Variants in SLC35D4 observed in about 807,000 individuals in gnomAD.
SLC35D4 encodes the protein solute carrier family 35 member D4, also known as UDP-N-acetylglucosamine transporter SLC35D4.
chr18:23,249,488 A>G, the SLC35D4 span, among the ~76,000 whole-genome samples: 1 of 152,222 alleles, frequency 6.6e-6, no homozygotes, highest in Non-Finnish European at 1.5e-5. Flanking sequence ...GTCATGGTGC[A>G]GGTGCGAGGC....
the SLC35D4 span, among the ~76,000 whole-genome samples, chr18:23,304,340 T>C: frequency 1.4e-5 from 2 of 146,798 alleles, no homozygotes; most frequent in East Asian, 2.0e-4. Context: ...ATACAGAAAT[T>C]TGGGGAAAAG....
chr18:23,437,370 G>GAGTGAA, the SLC35D4 span, among the ~76,000 whole-genome samples: 1 of 152,158 alleles, frequency 6.6e-6, no homozygotes, highest in Admixed American at 6.5e-5. Flanking sequence ...TCTATTTAAA[G>GAGTGAA]GCTTCTGGAA....
the SLC35D4 span, among the ~76,000 whole-genome samples, chr18:23,239,595 C>T: frequency 6.6e-6 from 1 of 152,024 alleles, no homozygotes; most frequent in Non-Finnish European, 1.5e-5. Context: ...GGGGTGGGGG[C>T]GCTGGGGTGT....
At chr18:23,312,996 G>A in the SLC35D4 span, among the ~76,000 whole-genome samples, 3 of 151,580 alleles carry the variant, frequency 2.0e-5, no homozygotes, top group Non-Finnish European at 2.9e-5. Context: ...GCGTGATGGC[G>A]GGCGCCTGCA....
the SLC35D4 span, among the ~76,000 whole-genome samples, chr18:23,335,025 C>A: frequency 4.9e-3 from 744 of 151,568 alleles, 8 homozygotes; most frequent in African/African-American, 0.016. Flanking sequence ...AGAAAGCAAG[C>A]AAGCAAGAAG....
At chr18:23,396,931 T>A in the SLC35D4 span, among the ~76,000 whole-genome samples, 1 of 150,746 alleles carries the variant, frequency 6.6e-6, no homozygotes, top group Non-Finnish European at 1.5e-5. Flanking sequence ...CATGGACAGG[T>A]AACAAAGAAT....
the SLC35D4 span, among the ~76,000 whole-genome samples, chr18:23,242,110 T>C: frequency 6.6e-6 from 1 of 152,108 alleles, no homozygotes; most frequent in Non-Finnish European, 1.5e-5. Flanking sequence ...ACACCATCTT[T>C]ACTAAAAATA....
At chr18:23,324,817 G>A in the SLC35D4 span, among the ~76,000 whole-genome samples, 3 of 152,208 alleles carry the variant, frequency 2.0e-5, no homozygotes, top group African/African-American at 4.8e-5. Context: ...AGTGTAAACT[G>A]TAATGCCAAG....
chr18:23,318,112 C>G, the SLC35D4 span, among the ~76,000 whole-genome samples: 10 of 152,248 alleles, frequency 6.6e-5, no homozygotes, highest in East Asian at 1.9e-3. Context: ...GGTTATCTTT[C>G]TTTTTAATTC....
At chr18:23,253,915 C>A in the SLC35D4 span, 1 of 1,614,122 alleles carries the variant, frequency 6.2e-7, no homozygotes, top group Non-Finnish European at 8.5e-7. Flanking sequence ...TCAAAAAACA[C>A]GAAGTCAAGC....
At chr18:23,297,999 C>G in the SLC35D4 span, 7 of 1,613,052 alleles carry the variant, frequency 4.3e-6, no homozygotes, top group East Asian at 2.2e-5. Flanking sequence ...TTCTCTTGAC[C>G]GTCTTGTTCA....
At chr18:23,279,357 T>TG in the SLC35D4 span, among the ~76,000 whole-genome samples, 1 of 152,210 alleles carries the variant, frequency 6.6e-6, no homozygotes, top group Non-Finnish European at 1.5e-5. Context: ...ATAAACAGCA[T>TG]GGGCTGCAAG....
chr18:23,303,106 CT>C, the SLC35D4 span, among the ~76,000 whole-genome samples: 3,740 of 152,340 alleles, frequency 0.025, 49 homozygotes, highest in Middle Eastern at 0.054. Context: ...GCCACCGCCC[CT>C]GCCTGGGCTC....
the SLC35D4 span, among the ~76,000 whole-genome samples, chr18:23,294,576 A>T: frequency 4.6e-5 from 7 of 152,286 alleles, no homozygotes; most frequent in Middle Eastern, 3.4e-3. Context: ...AGGGGGCAAC[A>T]TAGTGAGACC....
At chr18:23,432,238 C>T in the SLC35D4 span, among the ~76,000 whole-genome samples, 14 of 152,262 alleles carry the variant, frequency 9.2e-5, no homozygotes, top group African/African-American at 2.9e-4. Context: ...GGCCTACATA[C>T]TGGAGGAAAT....
chr18:23,288,640 T>A, the SLC35D4 span, among the ~76,000 whole-genome samples: 4 of 152,152 alleles, frequency 2.6e-5, no homozygotes. Context: ...GGTAGACACT[T>A]CCACTGGATA....
At chr18:23,338,141 TG>T in the SLC35D4 span, among the ~76,000 whole-genome samples, 1 of 152,234 alleles carries the variant, frequency 6.6e-6, no homozygotes, top group Non-Finnish European at 1.5e-5. Context: ...TATTTTCACA[TG>T]CAGAGCAAAT....
At chr18:23,277,957 T>C in the SLC35D4 span, among the ~76,000 whole-genome samples, 2 of 152,186 alleles carry the variant, frequency 1.3e-5, no homozygotes, top group African/African-American at 4.8e-5. Flanking sequence ...ATACAACACT[T>C]CTTAAGGTCT....
the SLC35D4 span, among the ~76,000 whole-genome samples, chr18:23,328,814 G>A: frequency 1.3e-5 from 2 of 152,134 alleles, no homozygotes; most frequent in African/African-American, 4.8e-5. Flanking sequence ...TATACTACAA[G>A]GCTACAGTAA....
Sources: allele counts gnomAD v4.1 joint callset (sites outside exome capture counted in the v4.1 genomes callset), GRCh38; gene constraint gnomAD v4.1.1; transcripts MANE v1.5; gene names NCBI Gene and HGNC (gene_info 2026-07-23, HGNC 2026-07-21).